The following CYP4F3 variants were observed in gnomAD, a reference collection of about 807,000 sequenced individuals.
CYP4F3 encodes the protein cytochrome P450 4F3.
CYP4F3 carries 50 observed loss-of-function variants against 54.8 expected under a neutral mutation model. The observed-to-expected ratio is 0.91, with a 90% CI of 0.73 to 1.16. The LOEUF (loss-of-function observed/expected upper bound fraction) is 1.16, where lower values mean the gene tolerates loss of function less well. CYP4F3 is among the 50% of genes most tolerant of loss of function. The probability of loss-of-function intolerance (pLI) is 0.00; values close to 1 mark genes in which losing one functional copy is unlikely to be tolerated. For missense variants in CYP4F3, 715 were observed against 676.2 expected (o/e 1.06, Z -0.64); for synonymous variants, 244 against 262.6 (o/e 0.93, Z 0.69).
intron 9 of CYP4F3, among the ~76,000 whole-genome samples, chr19:15,656,879 CT>C (rs962691619): frequency 2.0e-5 from 3 of 152,098 alleles, no homozygotes; most frequent in Non-Finnish European, 2.9e-5. Context: ...ATATTTGTCA[CT>C]TTTTTTCACT....
chr19:15,650,242 G>T, intron 7 of CYP4F3, 59 bp downstream of exon 7: 1 of 1,614,064 alleles, frequency 6.2e-7, no homozygotes, highest in Non-Finnish European at 8.5e-7. Context: ...TGAAATGTCA[G>T]ATGAAAGAAT....
intron 2 of CYP4F3, among the ~76,000 whole-genome samples, chr19:15,643,008 G>T (rs1418159048): frequency 2.0e-5 from 3 of 151,928 alleles, no homozygotes; most frequent in African/African-American, 7.3e-5. Flanking sequence ...TAGATTAGAT[G>T]GATGGATAGA....
At chr19:15,645,948 G>T in intron 3 of CYP4F3, 85 bp downstream of exon 3, 2 of 1,459,280 alleles carry the variant, frequency 1.4e-6, no homozygotes, top group Non-Finnish European at 1.8e-6. Flanking sequence ...GCCTCCAGCG[G>T]GTCGCGTGCC....
At chr19:15,646,986 C>T (rs1006877226) in intron 3 of CYP4F3, 66 bp from the exon 4 acceptor site, 5 of 1,597,074 alleles carry the variant, frequency 3.1e-6, no homozygotes, top group Non-Finnish European at 4.3e-6. Context: ...CTGGGAGCCT[C>T]CCCCCACCCC....
chr19:15,656,509 C>CTATA (rs1568402240), intron 9 of CYP4F3, among the ~76,000 whole-genome samples: 1 of 64,936 alleles, frequency 1.5e-5, no homozygotes, highest in Non-Finnish European at 2.8e-5. Context: ...ATCTATCTAT[C>CTATA]TATCTATCTA....
rs777996450 is a variant in CYP4F3, at chr19:15,647,146, G to A, written c.397+41G>A. 312 of 1,613,876 alleles carry A rather than the reference G, an allele frequency of 1.9e-4. 1 individual carries two copies. In the East Asian group the frequency reaches 6.9e-3, roughly 36 times the overall value. On this transcript the variant is annotated intron_variant, in intron 4 of 12. Transcript: ENST00000221307. The stretch of plus-strand genomic sequence containing the variant: ...TGAACAGGGTTGGGAACAACCTGGG[G>A]GGCCAGGGGAGGGAGATGCCCTTGC...
rs562615340 is a variant in CYP4F3, at chr19:15,653,194, C to T, written c.1115+242C>T. ...GTTGATGATATGTGAGGACAGATAA[C>T]GCCACTTAGCATGTGTTCAGCAAAT... is the stretch of plus-strand genomic sequence containing the variant. On this transcript the variant is annotated intron_variant, in intron 9 of 12. Transcript: ENST00000221307. 7.9e-5 allele frequency among the ~76,000 whole-genome samples: 12 copies of T among 152,264 alleles called. No homozygotes were observed. The East Asian group carries it at 9.6e-4, about 12-fold the overall frequency.
chr19:15,652,469 A>G, intron 7 of CYP4F3, 100 bp from the exon 8 acceptor site: 6 of 1,543,660 alleles, frequency 3.9e-6, no homozygotes, highest in African/African-American at 1.4e-5. Context: ...TCGAAAGAGG[A>G]TGAATCTTCA....
rs1472249799 is a variant in CYP4F3, at chr19:15,658,391, C to A, written c.1243C>A (p.Pro415Thr). The A allele has an allele frequency of 5.6e-6, 9 of 1,613,918 alleles. No homozygotes were observed. Among genetic ancestry groups the A allele is most frequent in the Non-Finnish European group, 7.6e-6 (9 of 1,179,864 alleles). The change falls in exon 10 of 13, where the codon CCC becomes ACC. Residue 415 changes from proline (P) to threonine (T), a missense_variant. Pro to Thr is a conservative substitution (Grantham distance 38). Transcript: ENST00000221307. The stretch of plus-strand genomic sequence containing the variant: ...TGTGCTCCCAGACGGCCGGGTCATC[C>A]CCAAAGGTGCCACAGCCTCAGGGGG... ...DIVLPDGRVI[P>T]KGIICLISVF...
chr19:15,655,747 A>G (rs1053763204), intron 9 of CYP4F3, among the ~76,000 whole-genome samples: 1 of 152,220 alleles, frequency 6.6e-6, no homozygotes, highest in Non-Finnish European at 1.5e-5. Flanking sequence ...TTCTCAAAAT[A>G]TACATTTTGG....
In CYP4F3 at chr19:15,661,302, A is replaced by ACC. The variant is rs1568406488; in HGVS notation, c.*1917_*1918insCC. 2 of 151,550 alleles carry ACC rather than the reference A, an allele frequency of 1.3e-5. No homozygotes were observed. The highest frequency in any genetic ancestry group is 4.9e-5 in the African/African-American group (2 of 41,112). The allele number at this position is 151,550 out of a possible 1,614,324, so 9.4% of individuals were successfully genotyped here. ...ACAAAACAAAACAAAACAAAACAAAAACAAAACAAAACAAAACAAAACACT... is the reference window on the plus strand; with the variant it reads ...ACAAAACAAAACAAAACAAAACAAAACCACAAAACAAAACAAAACAAAACACT... On this transcript the variant is annotated 3_prime_UTR_variant, in exon 13 of 13. Coordinates refer to ENST00000221307, the MANE Select transcript of CYP4F3 (RefSeq NM_000896.3).
At chr19:15,651,791 T>C (rs1972863652) in intron 7 of CYP4F3, among the ~76,000 whole-genome samples, 1 of 152,204 alleles carries the variant, frequency 6.6e-6, no homozygotes, top group African/African-American at 2.4e-5. Flanking sequence ...GTCTATGACT[T>C]TTTCCATGTG....
chr19:15,655,799 A>G (rs28371490), intron 9 of CYP4F3, among the ~76,000 whole-genome samples: 27,754 of 152,158 alleles, frequency 0.18, 2,939 homozygotes, highest in African/African-American at 0.27. Flanking sequence ...TCTTTAATTG[A>G]CAAGTTTTAA....
chr19:15,653,609 AG>A (rs745327404), intron 9 of CYP4F3, among the ~76,000 whole-genome samples: 42 of 152,182 alleles, frequency 2.8e-4, no homozygotes, highest in East Asian at 9.7e-4. Flanking sequence ...AAGCAGGACT[AG>A]GGGGGTATAG....
chr19:15,649,865 C>T (rs1972734914), intron 6 of CYP4F3, 48 bp from the exon 7 acceptor site: 1 of 1,598,526 alleles, frequency 6.3e-7, no homozygotes, highest in Non-Finnish European at 8.5e-7. Flanking sequence ...GATCCTGGGG[C>T]TTCAGGTGTA....
intron 3 of CYP4F3, 115 bp downstream of exon 3, chr19:15,645,978 C>A: frequency 1.5e-6 from 2 of 1,367,334 alleles, no homozygotes; most frequent in Middle Eastern, 1.9e-4. Flanking sequence ...ACAGGAGGGG[C>A]TGTGGTGGAG....
intron 9 of CYP4F3, among the ~76,000 whole-genome samples, chr19:15,657,823 C>G (rs929112900): frequency 1.3e-5 from 2 of 151,612 alleles, no homozygotes; most frequent in Non-Finnish European, 2.9e-5. Flanking sequence ...TTCTTTGGAC[C>G]CTTTAAAAGT....
intron 9 of CYP4F3, among the ~76,000 whole-genome samples, chr19:15,656,760 C>CTATCTATA (rs761562426): frequency 9.8e-6 from 1 of 102,290 alleles, no homozygotes; most frequent in Non-Finnish European, 2.0e-5. Flanking sequence ...ATCTATCTAT[C>CTATCTATA]TATCTATCAT....
Position 15,658,484 on chromosome 19 carries a change from C to G in CYP4F3, c.1250-7C>G. 1 of 1,614,202 alleles carries G rather than the reference C, an allele frequency of 6.2e-7. No individual in the cohort carries two copies. The highest frequency in any genetic ancestry group is 8.5e-7 in the Non-Finnish European group (1 of 1,180,018). On this transcript the variant is annotated splice_region_variant and splice_polypyrimidine_tract_variant and intron_variant, in intron 10 of 12. Coordinates refer to ENST00000221307, the MANE Select transcript of CYP4F3 (RefSeq NM_000896.3). ...CATTGTCCTGACTGCCCCCTTCTCT[C>G]CCACAGGCATTATCTGCCTCATCAG...
Sources: allele counts gnomAD v4.1 joint callset (sites outside exome capture counted in the v4.1 genomes callset), GRCh38; gene constraint gnomAD v4.1.1; transcripts MANE v1.5; gene names NCBI Gene and HGNC (gene_info 2026-07-23, HGNC 2026-07-21).